The following DMXL1 variants were observed in gnomAD, a reference collection of about 807,000 sequenced individuals.
The protein encoded by DMXL1 is Dmx like 1, also known as dmX-like protein 1.
DMXL1 carries 99 observed loss-of-function variants against 319.2 expected under a neutral mutation model. The ratio of observed to expected loss-of-function variants is 0.31; its 90% CI spans 0.26 to 0.37. The LOEUF is 0.37. Among genes scored for constraint, DMXL1 ranks in the 10% least tolerant of loss-of-function variants. DMXL1 has a pLI of 1.00. For missense variants in DMXL1, 3,745 were observed against 3,595.6 expected, an observed-to-expected ratio of 1.04 and a Z score of -1.06; for synonymous variants, 1,385 against 1,235.2, an observed-to-expected ratio of 1.12 and a Z score of -2.54.
intron 4 of DMXL1, among the ~76,000 whole-genome samples, chr5:119,106,385 G>C (rs1016901582): frequency 6.6e-6 from 1 of 152,172 alleles, no homozygotes. Flanking sequence ...ATTACATGGA[G>C]GCATCAACAC....
chr5:119,084,757 C>G (rs570734227), intron 1 of DMXL1, among the ~76,000 whole-genome samples: 2 of 150,832 alleles, frequency 1.3e-5, no homozygotes, highest in Admixed American at 6.6e-5. Flanking sequence ...TCCGGCTACT[C>G]GGGAGGCGAG....
chr5:119,211,888 A>G (rs914877102), intron 34 of DMXL1, among the ~76,000 whole-genome samples: 2 of 152,186 alleles, frequency 1.3e-5, no homozygotes, highest in African/African-American at 4.8e-5. Flanking sequence ...ATGTAAAATT[A>G]GGGCTGATAA....
At chr5:119,073,539 T>G (rs1249253055) in intron 1 of DMXL1, among the ~76,000 whole-genome samples, 1 of 152,202 alleles carries the variant, frequency 6.6e-6, no homozygotes, top group Non-Finnish European at 1.5e-5. Flanking sequence ...GAGGATTAGA[T>G]AGATGGTCAT....
At chr5:119,085,617 A>G (rs377504219) in intron 1 of DMXL1, among the ~76,000 whole-genome samples, 13 of 152,232 alleles carry the variant, frequency 8.5e-5, no homozygotes, top group African/African-American at 2.9e-4. Flanking sequence ...CTGAGTATAC[A>G]ATCATATCAT....
At chr5:119,162,790 A>G (rs759475154) in intron 19 of DMXL1, among the ~76,000 whole-genome samples, 7 of 152,238 alleles carry the variant, frequency 4.6e-5, no homozygotes, top group Non-Finnish European at 1.0e-4. Flanking sequence ...GATAACAGGA[A>G]TCCAAAAATT....
In DMXL1 at chr5:119,119,002, G is replaced by A. The variant is rs373143457; in HGVS notation, c.931G>A (p.Glu311Lys). ...SSKERVQNAL[E>K]VNLRHFRRGR... The stretch of plus-strand genomic sequence containing the variant: ...TAAAGAACGAGTTCAAAATGCTTTA[G>A]AAGTGAGTGTTTTTGTTACATTACT... Residue 311 changes from glutamate to lysine, a missense_variant and splice_region_variant, in exon 8 of 44, where the codon GAA becomes AAA. This residue lies in a region of DMXL1 where 2,096 missense variants were observed against 1,985.4 expected (regional missense o/e 1.06). Coordinates refer to ENST00000539542, the MANE Select transcript of DMXL1 (RefSeq NM_001290321.3). 1.2e-5 allele frequency: 19 copies of A among 1,601,670 alleles called. No homozygotes were observed. The highest frequency in any genetic ancestry group is 1.5e-5 in the Non-Finnish European group (18 of 1,174,576).
At chr5:119,220,081 A>G (rs974638608) in intron 35 of DMXL1, among the ~76,000 whole-genome samples, 1 of 149,678 alleles carries the variant, frequency 6.7e-6, no homozygotes, top group Non-Finnish European at 1.5e-5. Context: ...ATTAATAATT[A>G]TGTTTTTAGT....
intron 25 of DMXL1, 43 bp from the exon 26 acceptor site, chr5:119,175,218 T>G (rs973660137): frequency 6.6e-7 from 1 of 1,512,162 alleles, no homozygotes; most frequent in Non-Finnish European, 9.0e-7. Flanking sequence ...AATCTGCACT[T>G]TAAAAAGGTT....
chr5:119,226,577 C>G (rs1253896989), intron 38 of DMXL1, among the ~76,000 whole-genome samples: 1 of 152,178 alleles, frequency 6.6e-6, no homozygotes, highest in Non-Finnish European at 1.5e-5. Flanking sequence ...CTCCACCTCT[C>G]CAAGTACTGG....
At chr5:119,098,614 A>G (rs146330880) in intron 2 of DMXL1, among the ~76,000 whole-genome samples, 305 of 152,322 alleles carry the variant, frequency 2.0e-3, no homozygotes, top group African/African-American at 7.0e-3. Context: ...TGCATATGAA[A>G]AGTAGAAAGG....
chr5:119,179,445 G>GGA (rs1233440023), intron 28 of DMXL1, among the ~76,000 whole-genome samples: 3 of 151,936 alleles, frequency 2.0e-5, no homozygotes, highest in Non-Finnish European at 4.4e-5. Flanking sequence ...ATGTGGGCTT[G>GGA]GATATATATG....
intron 23 of DMXL1, among the ~76,000 whole-genome samples, chr5:119,169,353 G>A (rs566624386): frequency 6.6e-6 from 1 of 152,342 alleles, no homozygotes; most frequent in African/African-American, 2.4e-5. Flanking sequence ...GAGAGATGTG[G>A]TTGGATTTGG....
chr5:119,195,093 A>G (rs1779380884), intron 30 of DMXL1, among the ~76,000 whole-genome samples: 1 of 152,114 alleles, frequency 6.6e-6, no homozygotes, highest in Admixed American at 6.5e-5. Flanking sequence ...AACAAAAAAA[A>G]TAACAGTGCT....
At chr5:119,214,602 G>GTT (rs1561891381) in intron 34 of DMXL1, among the ~76,000 whole-genome samples, 2 of 151,972 alleles carry the variant, frequency 1.3e-5, no homozygotes. Flanking sequence ...AGACTTCTGA[G>GTT]ATACCACTAT....
intron 9 of DMXL1, among the ~76,000 whole-genome samples, chr5:119,122,283 C>A (rs1185609821): frequency 1.8e-4 from 27 of 146,448 alleles, no homozygotes; most frequent in African/African-American, 6.8e-4. Context: ...CCACCTCCCT[C>A]CCGGACGGGG....
chr5:119,202,883 T>TATTTATATATATATATATA (rs1561865418), intron 32 of DMXL1, among the ~76,000 whole-genome samples: 14 of 71,520 alleles, frequency 2.0e-4, no homozygotes, highest in African/African-American at 5.1e-4. Context: ...ATATATATAT[T>TATTTATATATATATATATA]TTTATATATA....
rs186037183 is a variant in DMXL1, at chr5:119,197,879, C to A, written c.7668C>A (p.Thr2556=). The A allele has an allele frequency of 3.1e-6, 5 of 1,614,148 alleles. No homozygotes were observed. Among genetic ancestry groups the A allele is most frequent in the East Asian group, 4.5e-5 (2 of 44,888 alleles). Residue 2556 remains threonine, a synonymous_variant, in exon 32 of 44, where the codon ACC becomes ACA. Transcript: ENST00000539542. Reference sequence around the variant, plus strand: ...CTCAAAATTATATCGCAAGTCATACCGCCGAAGAGAGTTTGTCTGCAGGTC... The same window carrying A: ...CTCAAAATTATATCGCAAGTCATACAGCCGAAGAGAGTTTGTCTGCAGGTC... ...GPPQNYIASH[T]AEESLSAGPA...
chr5:119,232,703 G>C (rs1426928103), intron 38 of DMXL1, among the ~76,000 whole-genome samples: 2 of 151,934 alleles, frequency 1.3e-5, no homozygotes, highest in African/African-American at 4.8e-5. Flanking sequence ...GTCCGGTGCA[G>C]TGGCACGTGC....
intron 28 of DMXL1, among the ~76,000 whole-genome samples, chr5:119,187,258 A>G (rs113940039): frequency 0.026 from 3,944 of 152,116 alleles, 151 homozygotes; most frequent in African/African-American, 0.09. Flanking sequence ...CCCTAATACT[A>G]TTTTCTTTCT....
Sources: allele counts gnomAD v4.1 joint callset (sites outside exome capture counted in the v4.1 genomes callset), GRCh38; gene constraint gnomAD v4.1.1; regional missense constraint gnomAD v4.1.1; transcripts MANE v1.5; gene names NCBI Gene and HGNC (gene_info 2026-07-23, HGNC 2026-07-21).